MPRIP: variants seen among roughly 807,000 people sequenced by gnomAD.
The protein encoded by MPRIP is myosin phosphatase Rho interacting protein, also known as myosin phosphatase Rho-interacting protein.
In MPRIP, 59 loss-of-function variants were observed where a neutral mutation model predicts 234.9. The ratio of observed to expected loss-of-function variants is 0.25; its 90% CI spans 0.20 to 0.31. The LOEUF (loss-of-function observed/expected upper bound fraction) is 0.31, where lower values mean the gene tolerates loss of function less well. Ranked by LOEUF, MPRIP falls within the 10% of genes least tolerant of loss-of-function variation. The pLI is 1.00. For synonymous variants in MPRIP, 1,144 were observed against 1,263.9 expected (o/e 0.91, Z 2.01); for missense variants, 2,436 against 3,071.0 (o/e 0.79, Z 4.89).
intron 1 of MPRIP, among the ~76,000 whole-genome samples, chr17:17,057,345 C>T (rs1319115342): frequency 1.3e-5 from 2 of 152,250 alleles, no homozygotes; most frequent in African/African-American, 4.8e-5. Context: ...CGGAGGTACA[C>T]GCCTTCTTTC....
At chr17:17,071,801 A>G (rs1243366313) in intron 1 of MPRIP, among the ~76,000 whole-genome samples, 1 of 152,108 alleles carries the variant, frequency 6.6e-6, no homozygotes, top group Non-Finnish European at 1.5e-5. Context: ...CTGCATAGAA[A>G]GGGGCCCTGT....
At chr17:17,131,491 C>G (rs1221872805) in intron 4 of MPRIP, 126 bp from the exon 5 acceptor site, 2 of 735,624 alleles carry the variant, frequency 2.7e-6, no homozygotes, top group African/African-American at 3.5e-5. Flanking sequence ...CTTCTGGCCC[C>G]AGCGTAGCAG....
chr17:17,179,904 C>T, intron 22 of MPRIP, 99 bp from the exon 23 acceptor site: 2 of 931,710 alleles, frequency 2.1e-6, no homozygotes, highest in East Asian at 2.5e-5. Flanking sequence ...AAGTATGCTG[C>T]AGTAGGAAGC....
Position 17,167,945 on chromosome 17 carries a change from A to G in MPRIP, c.6324+30A>G. The G allele has an allele frequency of 7.8e-7, 1 of 1,282,876 alleles. No homozygotes were observed. Among genetic ancestry groups the G allele is most frequent in the South Asian group, 1.3e-5 (1 of 78,902 alleles). The allele number at this position is 1,282,876 out of a possible 1,614,324, so 79.5% of individuals were successfully genotyped here. On this transcript the variant is annotated intron_variant, in intron 16 of 23. Coordinates refer to ENST00000651222, the MANE Select transcript of MPRIP (RefSeq NM_001364716.4). This position sits in a 1 kb window ranked among gnomAD's most constrained non-coding sequence, Gnocchi z 5.9. ...TAACGCCCCATTCAATTTGCAGAGC[A>G]GATCTTCCTTGATAATGGGGTGGGT...
At chr17:17,075,998 G>A (rs2089319642) in intron 2 of MPRIP, 1 of 519,164 alleles carries the variant, frequency 1.9e-6, no homozygotes, top group East Asian at 3.2e-5. Flanking sequence ...TCAGAATGAG[G>A]AGCTCTCATG....
Position 17,185,202 on chromosome 17 carries a change from G to A in MPRIP, c.*308G>A, listed in dbSNP as rs1215943866. Reference sequence around the variant, plus strand: ...CTGTGACCCGCCACACTCACTGTCAGTATTAAGGCCCAGCAGCCTGTTGAT... The same window carrying A: ...CTGTGACCCGCCACACTCACTGTCAATATTAAGGCCCAGCAGCCTGTTGAT... On this transcript the variant is annotated 3_prime_UTR_variant, in exon 24 of 24. Coordinates refer to ENST00000651222, the MANE Select transcript of MPRIP (RefSeq NM_001364716.4). The A allele has an allele frequency of 3.5e-5, 12 of 344,056 alleles. No individual in the cohort carries two copies. Among genetic ancestry groups the A allele is most frequent in the Admixed American group, 1.9e-4 (5 of 25,710 alleles). 21.3% of individuals were successfully genotyped at this position (344,056 alleles called of 1,614,324 possible). A position where few individuals can be genotyped will look rare whatever the true frequency, so the allele number is the denominator to read the frequency against.
chr17:17,138,232 G>T lies in MPRIP; in HGVS notation c.1053G>T (p.Gly351=). ...ACGTGGACTCTGGCAGCACTAGGGG[G>T]CGGGGGACAGAGAGACTGGGGAGCG... ...PAYVDSGSTR[G]RGTERLGSAF... Residue 351 remains glycine, a synonymous_variant, in exon 7 of 24, where the codon GGG becomes GGT. Transcript: ENST00000651222. This position sits in a 1 kb window ranked among gnomAD's most constrained non-coding sequence, Gnocchi z 5.8. 1 of 645,190 alleles carries T rather than the reference G, an allele frequency of 1.5e-6. No homozygotes were observed. Among genetic ancestry groups the T allele is most frequent in the Non-Finnish European group, 2.5e-6 (1 of 398,150 alleles). 40.0% of individuals were successfully genotyped at this position (645,190 alleles called of 1,614,324 possible). A position where few individuals can be genotyped will look rare whatever the true frequency, so the allele number is the denominator to read the frequency against.
chr17:17,072,933 A>G (rs2089233730), intron 1 of MPRIP, among the ~76,000 whole-genome samples: 1 of 151,976 alleles, frequency 6.6e-6, no homozygotes, highest in African/African-American at 2.4e-5. Flanking sequence ...TAATAGCTTT[A>G]TTAAGATAAA....
In MPRIP at chr17:17,126,965, T is replaced by C. The variant is rs2090503061; in HGVS notation, c.419+112T>C. On this transcript the variant is annotated intron_variant, in intron 4 of 23. Transcript: ENST00000651222. ...GATGTTGTCTACTTCCCCGTGTGCC[T>C]CTATTCTTGGGCTCTGTCTCTGTTC... 13 of 1,316,472 alleles carry C rather than the reference T, an allele frequency of 9.9e-6. No individual in the cohort carries two copies. The South Asian group carries it at 1.8e-4, about 18-fold the overall frequency. The allele number at this position is 1,316,472 out of a possible 1,614,324, so 81.5% of individuals were successfully genotyped here.
chr17:17,177,659 C>A (rs1361206422), intron 22 of MPRIP, among the ~76,000 whole-genome samples: 1 of 152,144 alleles, frequency 6.6e-6, no homozygotes, highest in Non-Finnish European at 1.5e-5. Flanking sequence ...ATAATATTTT[C>A]GAAATAATAA....
At position 17,164,426 on chromosome 17, in the gene MPRIP, G is replaced by A; in HGVS notation, c.2835G>A (p.Glu945=). 7.9e-7 allele frequency: 1 copy of A among 1,271,964 alleles called. No homozygotes were observed. The highest frequency in any genetic ancestry group is 3.3e-4 in the Middle Eastern group (1 of 2,990). The allele number at this position is 1,271,964 out of a possible 1,614,324, so 78.8% of individuals were successfully genotyped here. Residue 945 remains glutamate (E), a synonymous_variant, in exon 16 of 24, where the codon GAG becomes GAA. Coordinates refer to ENST00000651222, the MANE Select transcript of MPRIP (RefSeq NM_001364716.4). ...AGCTGGAGGAGCGGCAACACAGCGAGGCGGCGCTGAGCAGCCAGCTGAGGG... is the reference window on the plus strand; with the variant it reads ...AGCTGGAGGAGCGGCAACACAGCGAAGCGGCGCTGAGCAGCCAGCTGAGGG... ...REQLEERQHS[E]AALSSQLRAS...
At chr17:17,068,041 C>T (rs1567693344) in intron 1 of MPRIP, among the ~76,000 whole-genome samples, 1 of 151,878 alleles carries the variant, frequency 6.6e-6, no homozygotes, top group African/African-American at 2.4e-5. Flanking sequence ...CTCATTATCC[C>T]TTTGATGTCT....
chr17:17,172,456 A>C (rs79791881), intron 17 of MPRIP, among the ~76,000 whole-genome samples: 2 of 151,594 alleles, frequency 1.3e-5, no homozygotes, highest in East Asian at 3.9e-4. Flanking sequence ...TTCTAACACC[A>C]AAAAAAAAGC....
intron 3 of MPRIP, among the ~76,000 whole-genome samples, chr17:17,114,191 C>T (rs1038487530): frequency 3.9e-5 from 6 of 152,136 alleles, no homozygotes; most frequent in African/African-American, 9.7e-5. Context: ...TGACTAATGA[C>T]GTCAGGCACC....
Position 17,167,647 on chromosome 17 carries a change from C to G in MPRIP, c.6056C>G (p.Thr2019Ser). 1 of 1,304,272 alleles carries G rather than the reference C, an allele frequency of 7.7e-7. No individual in the cohort carries two copies. The highest frequency in any genetic ancestry group is 1.0e-6 in the Non-Finnish European group (1 of 988,954). 80.8% of individuals were successfully genotyped at this position (1,304,272 alleles called of 1,614,324 possible). A position where few individuals can be genotyped will look rare whatever the true frequency, so the allele number is the denominator to read the frequency against. The change falls in exon 16 of 24, where the codon ACC becomes AGC. Residue 2019 changes from threonine to serine, a missense_variant. This residue lies in a region of MPRIP where 1,998 missense variants were observed against 2,520.3 expected (regional missense o/e 0.79). Coordinates refer to ENST00000651222, the MANE Select transcript of MPRIP (RefSeq NM_001364716.4). The surrounding 1 kb of genome is among the most constrained non-coding windows in gnomAD (Gnocchi z 5.9). ...LQTIHEEELR[T>S]LQEHYSQSLR... The stretch of plus-strand genomic sequence containing the variant: ...ACGATCCACGAGGAGGAGCTGAGGA[C>G]CCTGCAGGAGCACTACTCGCAGAGC...
intron 1 of MPRIP, among the ~76,000 whole-genome samples, chr17:17,064,812 A>G (rs988556386): frequency 2.6e-5 from 4 of 152,210 alleles, no homozygotes; most frequent in Admixed American, 6.5e-5. Flanking sequence ...CAAAGCTGCT[A>G]TAACCATTCA....
chr17:17,152,134 G>A (rs1567753780), intron 12 of MPRIP, among the ~76,000 whole-genome samples: 1 of 152,264 alleles, frequency 6.6e-6, no homozygotes, highest in Non-Finnish European at 1.5e-5. Context: ...AGGCATCTGC[G>A]AGAGGAGCTG....
At chr17:17,122,332 GTTGT>G (rs2144359927) in intron 3 of MPRIP, among the ~76,000 whole-genome samples, 1 of 152,010 alleles carries the variant, frequency 6.6e-6, no homozygotes, top group African/African-American at 2.4e-5. Flanking sequence ...TTTTCATTTT[GTTGT>G]TTTTTTGTTT....
At position 17,186,255 on chromosome 17, in the gene MPRIP, G is replaced by A. The variant is rs947843551; in HGVS notation, c.*1361G>A. 2 of 152,198 alleles carry A rather than the reference G, an allele frequency of 1.3e-5. No individual in the cohort carries two copies. The highest frequency in any genetic ancestry group is 2.4e-5 in the African/African-American group (1 of 41,426). 9.4% of individuals were successfully genotyped at this position (152,198 alleles called of 1,614,324 possible). Reference sequence around the variant, plus strand: ...TTGGTGTGATGGTCTCTGTGGGTGGGTGGATGCTTTGGGCGTTGAAATCTA... The same window carrying A: ...TTGGTGTGATGGTCTCTGTGGGTGGATGGATGCTTTGGGCGTTGAAATCTA... On this transcript the variant is annotated 3_prime_UTR_variant, in exon 24 of 24. Coordinates refer to ENST00000651222, the MANE Select transcript of MPRIP (RefSeq NM_001364716.4).
Sources: allele counts gnomAD v4.1 joint callset (sites outside exome capture counted in the v4.1 genomes callset), GRCh38; gene constraint gnomAD v4.1.1; regional missense constraint gnomAD v4.1.1; non-coding constraint Gnocchi (gnomAD v3.1); transcripts MANE v1.5; gene names NCBI Gene and HGNC (gene_info 2026-07-23, HGNC 2026-07-21).